Variants in PDE4D observed in about 807,000 individuals in gnomAD.
The protein encoded by PDE4D is phosphodiesterase 4D, also known as 3',5'-cyclic-AMP phosphodiesterase 4D.
Under a neutral mutation model 87.4 loss-of-function variants are expected in PDE4D, and 24 were observed. The ratio of observed to expected loss-of-function variants is 0.27; its 90% confidence interval spans 0.20 to 0.39. The LOEUF (loss-of-function observed/expected upper bound fraction) is 0.39. Among genes scored for constraint, PDE4D ranks in the 10% least tolerant of loss-of-function variants. The pLI is 1.00. For missense variants in PDE4D, 714 were observed against 1,041.0 expected (o/e 0.69, Z 4.32); for synonymous variants, 384 against 383.2 (o/e 1.00, Z -0.02).
chr5:59,924,248 A>C (rs1754999421), intron 3 of PDE4D, among the ~76,000 whole-genome samples: 1 of 152,210 alleles, frequency 6.6e-6, no homozygotes, highest in Non-Finnish European at 1.5e-5. Flanking sequence ...TAGCCTCTGA[A>C]GGGCAAATCT....
At chr5:59,546,419 T>A (rs1477166769) in intron 1 of PDE4D, among the ~76,000 whole-genome samples, 1 of 152,136 alleles carries the variant, frequency 6.6e-6, no homozygotes, top group Non-Finnish European at 1.5e-5. Flanking sequence ...CATGTTAATA[T>A]TATGTGCCTT....
chr5:59,536,290 G>T (rs1021529055), intron 1 of PDE4D, among the ~76,000 whole-genome samples: 1 of 151,926 alleles, frequency 6.6e-6, no homozygotes, highest in African/African-American at 2.4e-5. Context: ...TGAATCACAA[G>T]GTCAGGAGAT....
At chr5:59,665,371 T>C (rs573023352) in intron 1 of PDE4D, among the ~76,000 whole-genome samples, 2 of 152,344 alleles carry the variant, frequency 1.3e-5, no homozygotes, top group African/African-American at 2.4e-5. Flanking sequence ...GATGGAGTAA[T>C]TATCTTATAT....
intron 1 of PDE4D, among the ~76,000 whole-genome samples, chr5:59,599,483 C>T (rs963295609): frequency 4.0e-5 from 6 of 151,830 alleles, no homozygotes; most frequent in Admixed American, 6.6e-5. Flanking sequence ...TCAGGTGATC[C>T]GCCCACCTTG....
At chr5:60,043,847 G>T (rs931029228) in intron 2 of PDE4D, among the ~76,000 whole-genome samples, 2 of 152,154 alleles carry the variant, frequency 1.3e-5, no homozygotes, top group Non-Finnish European at 2.9e-5. Flanking sequence ...GCCTTTGTCT[G>T]AGAAAGCATT....
chr5:59,147,605 G>A (rs1006471275), intron 5 of PDE4D, among the ~76,000 whole-genome samples: 5 of 152,150 alleles, frequency 3.3e-5, no homozygotes, highest in Non-Finnish European at 5.9e-5. Flanking sequence ...AAGATCACAA[G>A]TTTTGATACT....
At chr5:59,940,412 G>A (rs999857203) in intron 3 of PDE4D, among the ~76,000 whole-genome samples, 1 of 152,168 alleles carries the variant, frequency 6.6e-6, no homozygotes, top group Admixed American at 6.5e-5. Context: ...CCATGTGAGA[G>A]ATGATGGCAG....
At chr5:59,079,546 C>G (rs576978175) in intron 5 of PDE4D, among the ~76,000 whole-genome samples, 1 of 151,958 alleles carries the variant, frequency 6.6e-6, no homozygotes, top group African/African-American at 2.4e-5. Context: ...AGCACTAGAG[C>G]TGGAAGAGAT....
At chr5:60,299,361 A>G (rs7721376) in intron 1 of PDE4D, among the ~76,000 whole-genome samples, 12,614 of 152,244 alleles carry the variant, frequency 0.083, 1,733 homozygotes, top group African/African-American at 0.29. Flanking sequence ...GCTCATAGGT[A>G]TAGAAAACTA....
At chr5:60,502,455 C>T (rs1050782625) in intron 1 of PDE4D, among the ~76,000 whole-genome samples, 1 of 152,156 alleles carries the variant, frequency 6.6e-6, no homozygotes, top group African/African-American at 2.4e-5. Context: ...CAGCTTTGTT[C>T]TTTTGGCTTA....
At chr5:58,976,236 C>A in intron 13 of PDE4D, 114 bp downstream of exon 13, 2 of 1,157,600 alleles carry the variant, frequency 1.7e-6, no homozygotes, top group African/African-American at 1.6e-5. Flanking sequence ...CCTACAATTG[C>A]TGAAAGTATA....
At chr5:60,520,669 G>C (rs1308113006) in intron 1 of PDE4D, among the ~76,000 whole-genome samples, 1 of 152,234 alleles carries the variant, frequency 6.6e-6, no homozygotes, top group Non-Finnish European at 1.5e-5. Flanking sequence ...GAGGAGGAAA[G>C]GGCTTGATTC....
chr5:59,421,714 G>A (rs1056576097), intron 1 of PDE4D, among the ~76,000 whole-genome samples: 21 of 151,956 alleles, frequency 1.4e-4, no homozygotes, highest in African/African-American at 4.8e-4. Flanking sequence ...GGGGAGGAGT[G>A]GTCAGAGCTT....
chr5:59,823,016 C>A (rs930187605), intron 1 of PDE4D, among the ~76,000 whole-genome samples: 1 of 152,198 alleles, frequency 6.6e-6, no homozygotes, highest in East Asian at 1.9e-4. Context: ...AATGGACAGC[C>A]ATCCTTACAA....
chr5:59,865,248 A>C (rs1746844983), intron 1 of PDE4D, among the ~76,000 whole-genome samples: 1 of 152,234 alleles, frequency 6.6e-6, no homozygotes, highest in South Asian at 2.1e-4. Flanking sequence ...ATTAAACATA[A>C]AAGGAAGATG....
intron 1 of PDE4D, among the ~76,000 whole-genome samples, chr5:60,348,502 TATTA>T (rs1381452314): frequency 6.6e-6 from 1 of 152,146 alleles, no homozygotes; most frequent in African/African-American, 2.4e-5. Flanking sequence ...TTCCACACAG[TATTA>T]ATTAGTCTTA....
intron 1 of PDE4D, among the ~76,000 whole-genome samples, chr5:60,264,864 T>C (rs1337708364): frequency 3.3e-5 from 5 of 152,184 alleles, no homozygotes; most frequent in African/African-American, 4.8e-5. Context: ...TTTAGTGGAA[T>C]CTTTACTCAG....
At chr5:59,545,238 T>C (rs2153685516) in intron 1 of PDE4D, among the ~76,000 whole-genome samples, 1 of 152,276 alleles carries the variant, frequency 6.6e-6, no homozygotes, top group South Asian at 2.1e-4. Context: ...GAACAGTGCC[T>C]GGAACCTGGT....
chr5:59,046,650 C>T (rs777142551), intron 5 of PDE4D, among the ~76,000 whole-genome samples: 1 of 152,048 alleles, frequency 6.6e-6, no homozygotes, highest in Admixed American at 6.6e-5. Flanking sequence ...AATAAGGTTA[C>T]TGAAGGTACA....
Sources: gnomAD v4.1 joint callset for allele counts (sites outside exome capture counted in the v4.1 genomes callset) on GRCh38, gnomAD v4.1.1 for gene constraint, MANE v1.5 for transcripts, NCBI Gene and HGNC (gene_info 2026-07-23, HGNC 2026-07-21) for gene names.